STK33: variants seen among roughly 807,000 people sequenced by gnomAD.
The protein encoded by STK33 is serine/threonine kinase 33, also known as serine/threonine-protein kinase 33.
Under a neutral mutation model 58.0 loss-of-function variants are expected in STK33, and 52 were observed. That is an observed-to-expected ratio of 0.90 (90% confidence interval 0.72 to 1.13). STK33 has a LOEUF of 1.13. STK33 is among the 50% of genes most tolerant of loss of function. The pLI is 0.00. For missense variants in STK33, 630 were observed against 604.2 expected (o/e 1.04, Z -0.45); for synonymous variants, 215 against 200.1 (o/e 1.07, Z -0.63).
the STK33 span, among the ~76,000 whole-genome samples, chr11:8,368,748 G>C: frequency 2.6e-5 from 4 of 152,312 alleles, no homozygotes; most frequent in South Asian, 6.2e-4. Flanking sequence ...CTGCTTCAAA[G>C]TGACTTCCCA....
At chr11:8,589,966 G>C (rs1219365841) in intron 1 of STK33, among the ~76,000 whole-genome samples, 1 of 152,156 alleles carries the variant, frequency 6.6e-6, no homozygotes, top group African/African-American at 2.4e-5. Flanking sequence ...GCAAAGATAA[G>C]AGCCTCGATG....
chr11:8,562,559 T>C (rs867976547), intron 1 of STK33, among the ~76,000 whole-genome samples: 1 of 152,208 alleles, frequency 6.6e-6, no homozygotes, highest in Non-Finnish European at 1.5e-5. Context: ...TATTTCATTA[T>C]ACTCTTAGAT....
chr11:8,578,659 G>A (rs2141287532), intron 1 of STK33, among the ~76,000 whole-genome samples: 2 of 151,468 alleles, frequency 1.3e-5, no homozygotes, highest in East Asian at 3.9e-4. Flanking sequence ...TTGGCTCCAG[G>A]GAAATTAAAT....
At chr11:8,442,649 A>G (rs1444439378) in intron 11 of STK33, among the ~76,000 whole-genome samples, 3 of 152,256 alleles carry the variant, frequency 2.0e-5, no homozygotes, top group Non-Finnish European at 2.9e-5. Context: ...ATGTAACTAC[A>G]GACCAGATGT....
the STK33 span, among the ~76,000 whole-genome samples, chr11:8,362,367 C>T: frequency 2.6e-5 from 4 of 152,072 alleles, no homozygotes; most frequent in South Asian, 4.2e-4. Flanking sequence ...ATTTGGCGCC[C>T]GGAATGCTCC....
intron 11 of STK33, among the ~76,000 whole-genome samples, chr11:8,443,755 T>G (rs1215770850): frequency 6.6e-6 from 1 of 152,264 alleles, no homozygotes; most frequent in South Asian, 2.1e-4. Flanking sequence ...TCCCAGCACT[T>G]TGGGAGGCCA....
intron 1 of STK33, among the ~76,000 whole-genome samples, chr11:8,543,419 C>T (rs1356112054): frequency 3.3e-5 from 5 of 152,112 alleles, no homozygotes; most frequent in South Asian, 2.1e-4. Flanking sequence ...TTAGAAAATA[C>T]TCATTGTGGT....
intron 1 of STK33, among the ~76,000 whole-genome samples, chr11:8,535,156 C>T (rs1054138582): frequency 8.5e-5 from 13 of 152,132 alleles, no homozygotes; most frequent in African/African-American, 2.9e-4. Context: ...CTGGTACTGT[C>T]TTCCGATTTT....
At chr11:8,520,577 T>C (rs894985304) in intron 1 of STK33, among the ~76,000 whole-genome samples, 8 of 152,210 alleles carry the variant, frequency 5.3e-5, no homozygotes, top group East Asian at 3.8e-4. Flanking sequence ...GATGACATGA[T>C]TGTATATTTA....
At chr11:8,553,782 A>G (rs1956535462) in intron 1 of STK33, among the ~76,000 whole-genome samples, 1 of 152,174 alleles carries the variant, frequency 6.6e-6, no homozygotes, top group South Asian at 2.1e-4. Flanking sequence ...TCTTTATCTC[A>G]TACCATATAT....
At chr11:8,591,262 A>AT (rs1156418480) in intron 1 of STK33, among the ~76,000 whole-genome samples, 2 of 152,098 alleles carry the variant, frequency 1.3e-5, no homozygotes, top group South Asian at 2.1e-4. Context: ...CCTCTTTTAG[A>AT]TTTTTTATTG....
At chr11:8,463,038 T>C (rs1947759275) in intron 7 of STK33, among the ~76,000 whole-genome samples, 1 of 152,090 alleles carries the variant, frequency 6.6e-6, no homozygotes, top group Non-Finnish European at 1.5e-5. Context: ...CTAATTAAAA[T>C]TTTACCTAGT....
intron 1 of STK33, among the ~76,000 whole-genome samples, chr11:8,545,979 A>C (rs1411114544): frequency 6.6e-6 from 1 of 152,228 alleles, no homozygotes; most frequent in African/African-American, 2.4e-5. Flanking sequence ...CTAGGCTACA[A>C]ACCTGTATAG....
At chr11:8,338,264 G>A in the STK33 span, among the ~76,000 whole-genome samples, 1 of 152,196 alleles carries the variant, frequency 6.6e-6, no homozygotes, top group Non-Finnish European at 1.5e-5. Context: ...AGGATGCCCA[G>A]CCCCGATCCT....
At chr11:8,473,965 G>C (rs142599164) in intron 5 of STK33, among the ~76,000 whole-genome samples, 5,126 of 152,170 alleles carry the variant, frequency 0.034, 140 homozygotes, top group South Asian at 0.09. Context: ...CTGAGGTCGG[G>C]AGTTCAAGAC....
At chr11:8,523,325 G>A (rs573548162) in intron 1 of STK33, among the ~76,000 whole-genome samples, 47 of 151,378 alleles carry the variant, frequency 3.1e-4, no homozygotes, top group East Asian at 5.9e-4. Context: ...CTTCCCAGCC[G>A]CCATCCCATC....
At chr11:8,515,344 C>T (rs939910993) in intron 1 of STK33, among the ~76,000 whole-genome samples, 3 of 152,028 alleles carry the variant, frequency 2.0e-5, no homozygotes. Flanking sequence ...AAACATAGAA[C>T]CTACCAAGAT....
chr11:8,425,886 G>A (rs576446044), intron 14 of STK33, among the ~76,000 whole-genome samples: 1 of 152,188 alleles, frequency 6.6e-6, no homozygotes, highest in African/African-American at 2.4e-5. Flanking sequence ...AACCTCTAGA[G>A]GGAGGATGCA....
intron 1 of STK33, among the ~76,000 whole-genome samples, chr11:8,496,235 C>G (rs538225881): frequency 1.3e-5 from 2 of 152,228 alleles, no homozygotes; most frequent in South Asian, 4.2e-4. Flanking sequence ...AAGGAACACT[C>G]AGGAACAACT....
Sources: gnomAD v4.1 joint callset for allele counts (sites outside exome capture counted in the v4.1 genomes callset) on GRCh38, gnomAD v4.1.1 for gene constraint, MANE v1.5 for transcripts, NCBI Gene and HGNC (gene_info 2026-07-23, HGNC 2026-07-21) for gene names.